The following KNTC1 variants were observed in gnomAD, a reference collection of about 807,000 sequenced individuals.
KNTC1 encodes kinetochore associated 1, also known as kinetochore-associated protein 1.
KNTC1 carries 253 observed loss-of-function variants against 314.4 expected under a neutral mutation model. The ratio of observed to expected loss-of-function variants is 0.80; its 90% confidence interval spans 0.73 to 0.89. The LOEUF (loss-of-function observed/expected upper bound fraction) is 0.89, where lower values mean the gene tolerates loss of function less well. Among genes scored for constraint, KNTC1 ranks in the 40% least tolerant of loss-of-function variants. The pLI, the probability that KNTC1 is intolerant of heterozygous loss-of-function variation, is 0.00. For synonymous variants in KNTC1, 901 were observed against 901.4 expected, an observed-to-expected ratio of 1.00 and a Z score of 0.01; for missense variants, 2,475 against 2,572.9, an observed-to-expected ratio of 0.96 and a Z score of 0.82.
chr12:122,541,870 T>C (rs1411869483), intron 5 of KNTC1, among the ~76,000 whole-genome samples, 180 bp from the exon 6 acceptor site: 2 of 151,450 alleles, frequency 1.3e-5, no homozygotes, highest in Non-Finnish European at 2.9e-5. Flanking sequence ...AATACAAAAA[T>C]TAGCTGGGCA....
intron 32 of KNTC1, among the ~76,000 whole-genome samples, chr12:122,580,400 TTC>T (rs1965325151): frequency 2.0e-5 from 3 of 152,334 alleles, no homozygotes; most frequent in South Asian, 4.1e-4. Context: ...ACACATAAAC[TTC>T]TGTTTTCTAC....
At chr12:122,558,714 A>G (rs1963768463) in intron 18 of KNTC1, among the ~76,000 whole-genome samples, 1 of 151,822 alleles carries the variant, frequency 6.6e-6, no homozygotes, top group South Asian at 2.1e-4. Flanking sequence ...CATCTCTACT[A>G]AAAATATAAA....
chr12:122,541,287 G>GCCTGCCTTCCTTCCTTCCTTCCTT (rs758235054), intron 5 of KNTC1, among the ~76,000 whole-genome samples: 24 of 120,980 alleles, frequency 2.0e-4, no homozygotes, highest in East Asian at 4.8e-4. Flanking sequence ...CTGCCTGCCT[G>GCCTGCCTTCCTTCCTTCCTTCCTT]CCTTCCTTCC....
At chr12:122,544,418 A>AG in intron 8 of KNTC1, 149 bp downstream of exon 8, 1 of 531,260 alleles carries the variant, frequency 1.9e-6, no homozygotes, top group East Asian at 3.6e-5. Flanking sequence ...TAACTCAATA[A>AG]ATAAATTTCT....
Position 122,618,469 on chromosome 12 carries a change from G to GT in KNTC1, c.6086-9dup, listed in dbSNP as rs1566021460. 1.3e-6 allele frequency: 2 copies of GT among 1,591,428 alleles called. No individual in the cohort carries two copies. The highest frequency in any genetic ancestry group is 1.7e-5 in the Admixed American group (1 of 58,238). ...GTGTGTATATCATGGTTGTTTTTTTGTTTTGTTTTCAGCCTCTTGTCCTTT... is the reference window on the plus strand; with the variant it reads ...GTGTGTATATCATGGTTGTTTTTTTGTTTTTGTTTTCAGCCTCTTGTCCTTT... On this transcript the variant is annotated splice_polypyrimidine_tract_variant and intron_variant, in intron 58 of 63. Coordinates refer to ENST00000333479, the MANE Select transcript of KNTC1 (RefSeq NM_014708.6).
intron 14 of KNTC1, 32 bp downstream of exon 14, chr12:122,551,394 C>T (rs746448203): frequency 1.3e-6 from 2 of 1,578,610 alleles, no homozygotes; most frequent in Admixed American, 3.6e-5. Context: ...TAAGTAATAG[C>T]TATGTTAAAT....
In KNTC1 at chr12:122,531,188, T is replaced by C. The variant is rs562184383; in HGVS notation, c.129+996T>C. On this transcript the variant is annotated intron_variant, in intron 2 of 63. Transcript: ENST00000333479. ...TTTTTTTTTAAACTGGCTGATGGGA[T>C]TTTAAAAAGAAATCATTCTTTATGC... 2.2e-3 allele frequency among the ~76,000 whole-genome samples: 331 copies of C among 152,160 alleles called. 1 individual carries two copies. Among genetic ancestry groups the C allele is most frequent in the African/African-American group, 7.5e-3 (311 of 41,498 alleles).
intron 40 of KNTC1, 144 bp downstream of exon 40, chr12:122,588,960 C>G (rs1477476241): frequency 8.9e-6 from 4 of 449,516 alleles, no homozygotes; most frequent in Non-Finnish European, 7.8e-6. Flanking sequence ...TATAGCTAAT[C>G]AATTATATTT....
intron 40 of KNTC1, among the ~76,000 whole-genome samples, chr12:122,589,397 A>C (rs1343643180): frequency 6.6e-6 from 1 of 152,002 alleles, no homozygotes; most frequent in Non-Finnish European, 1.5e-5. Context: ...TGTTTCATCA[A>C]CTGTATTTGG....
chr12:122,588,837 A>G, intron 40 of KNTC1, 21 bp downstream of exon 40: 2 of 1,475,256 alleles, frequency 1.4e-6, no homozygotes, highest in Non-Finnish European at 1.8e-6. Flanking sequence ...GTTCTGGGTA[A>G]AAATTTTGTT....
chr12:122,566,130 A>G (rs1964321167), intron 20 of KNTC1, among the ~76,000 whole-genome samples: 1 of 151,346 alleles, frequency 6.6e-6, no homozygotes, highest in Non-Finnish European at 1.5e-5. Context: ...TTTAGTAGAG[A>G]TGGGGTTTCA....
chr12:122,539,631 T>A, intron 4 of KNTC1, 45 bp from the exon 5 acceptor site: 1 of 1,303,218 alleles, frequency 7.7e-7, no homozygotes, highest in Non-Finnish European at 1.1e-6. Context: ...CTTGATTGTA[T>A]TTTTCTATGT....
At position 122,582,748 on chromosome 12, in the gene KNTC1, G is replaced by C. The variant is rs1381415407; in HGVS notation, c.3026G>C (p.Ser1009Thr). 6.2e-7 allele frequency: 1 copy of C among 1,611,928 alleles called. No individual in the cohort carries two copies. Among genetic ancestry groups the C allele is most frequent in the African/African-American group, 1.3e-5 (1 of 74,876 alleles). The change falls in exon 34 of 64, where the codon AGT becomes ACT. Residue 1009 changes from serine to threonine, a missense_variant. Ser to Thr is a moderately conservative substitution (Grantham distance 58). Coordinates refer to ENST00000333479, the MANE Select transcript of KNTC1 (RefSeq NM_014708.6). The stretch of plus-strand genomic sequence containing the variant: ...CTTTCATTTGAAGATTATAGCAATA[G>C]TTCCCTGGTAGCAGATCTCCGTGAG... ...VFLSFEDYSN[S>T]SLVADLREQH...
rs1301571841 is a variant in KNTC1, at chr12:122,601,688, TATC to T, written c.4653+66_4653+68del. The T allele has an allele frequency of 4.4e-6, 6 of 1,375,740 alleles. No homozygotes were observed. The East Asian group carries it at 1.2e-4, about 27-fold the overall frequency. The allele number at this position is 1,375,740 out of a possible 1,614,324, so 85.2% of individuals were successfully genotyped here. On this transcript the variant is annotated intron_variant, in intron 45 of 63. Coordinates refer to ENST00000333479, the MANE Select transcript of KNTC1 (RefSeq NM_014708.6). ...CTGCTTTTATTTGGATCATAAATCA[TATC>T]ATTATCCAGGGCCTTTCCAAATTAT...
intron 37 of KNTC1, among the ~76,000 whole-genome samples, 192 bp downstream of exon 37, chr12:122,585,966 G>T (rs1287590106): frequency 1.3e-5 from 2 of 152,236 alleles, no homozygotes; most frequent in Non-Finnish European, 2.9e-5. Flanking sequence ...CACAGGCTAG[G>T]ACTAAGCTGG....
chr12:122,603,210 A>G lies in KNTC1; in HGVS notation c.5068A>G (p.Ile1690Val), dbSNP rs1593662767. 1 of 1,612,404 alleles carries G rather than the reference A, an allele frequency of 6.2e-7. No individual in the cohort carries two copies. The highest frequency in any genetic ancestry group is 2.2e-5 in the East Asian group (1 of 44,830). Residue 1690 changes from isoleucine to valine, a missense_variant, in exon 48 of 64, where the codon ATT (isoleucine) becomes GTT (valine). Physicochemically the swap from Ile to Val is conservative, Grantham distance 29 (BLOSUM62 3). Coordinates refer to ENST00000333479, the MANE Select transcript of KNTC1 (RefSeq NM_014708.6). ...AGTCAACCCAGAGTGGGCTGTAGCT[A>G]TTGCCATCAGCCTTGCCCAGGATAT... ...SIVNPEWAVA[I>V]AISLAQDIPE... is the part of the protein sequence containing the mutation.
At position 122,559,722 on chromosome 12, in the gene KNTC1, G is replaced by A. The variant is rs550628323; in HGVS notation, c.1488+2033G>A. ...CAAGTAGCTGAGATTACAGGCTCCC[G>A]CTGCCACCACACCTGGCTAATTTTT... is the stretch of plus-strand genomic sequence containing the variant. On this transcript the variant is annotated intron_variant, in intron 18 of 63. Transcript: ENST00000333479. Among the ~76,000 whole-genome samples the A allele has an allele frequency of 6.2e-4, 94 of 152,008 alleles. 1 individual carries two copies. In the South Asian group the frequency reaches 0.018, roughly 29 times the overall value.
chr12:122,607,870 A>G (rs1476809623), intron 51 of KNTC1, among the ~76,000 whole-genome samples: 2 of 152,180 alleles, frequency 1.3e-5, no homozygotes, highest in Non-Finnish European at 2.9e-5. Context: ...ACAATACTGT[A>G]TAGGTGATGT....
At chr12:122,573,349 A>G (rs1279520131) in intron 26 of KNTC1, 64 bp downstream of exon 26, 32 of 1,391,594 alleles carry the variant, frequency 2.3e-5, no homozygotes, top group Non-Finnish European at 3.1e-5. Flanking sequence ...TGTAGTAAAT[A>G]TTTAACTCTT....
Sources: allele counts gnomAD v4.1 joint callset (sites outside exome capture counted in the v4.1 genomes callset), GRCh38; gene constraint gnomAD v4.1.1; transcripts MANE v1.5; gene names NCBI Gene and HGNC (gene_info 2026-07-23, HGNC 2026-07-21).